The following CBLB variants were observed in gnomAD, a reference collection of about 807,000 sequenced individuals.
CBLB encodes E3 ubiquitin-protein ligase CBL-B.
In CBLB, 31 loss-of-function variants were observed where a neutral mutation model predicts 104.9. That is an observed-to-expected ratio of 0.30 (90% CI 0.22 to 0.40). CBLB has a LOEUF of 0.40. Ranked by LOEUF, CBLB falls within the 10% of genes least tolerant of loss-of-function variation. The pLI is 1.00. For missense variants in CBLB, 1,062 were observed against 1,214.6 expected (o/e 0.87, Z 1.87); for synonymous variants, 440 against 422.6 (o/e 1.04, Z -0.51).
intron 16 of CBLB, 79 bp from the exon 17 acceptor site, chr3:105,678,650 G>T (rs762856826): frequency 5.6e-6 from 8 of 1,430,846 alleles, no homozygotes; most frequent in Non-Finnish European, 7.7e-6. Flanking sequence ...AGTAATAATT[G>T]ATTTTCTCTT....
chr3:105,807,181 G>A (rs1171303701), intron 3 of CBLB, among the ~76,000 whole-genome samples: 1 of 152,146 alleles, frequency 6.6e-6, no homozygotes, highest in East Asian at 1.9e-4. Context: ...ACATTCAAAT[G>A]TCACCTAAAT....
chr3:105,851,425 G>T (rs979520936), intron 3 of CBLB, among the ~76,000 whole-genome samples: 1 of 152,138 alleles, frequency 6.6e-6, no homozygotes, highest in Non-Finnish European at 1.5e-5. Context: ...TTAGGGCAGT[G>T]AAACAATTCT....
chr3:105,814,725 A>G (rs1266359319), intron 3 of CBLB, among the ~76,000 whole-genome samples: 3 of 151,996 alleles, frequency 2.0e-5, no homozygotes, highest in Non-Finnish European at 2.9e-5. Flanking sequence ...CTCATTACCA[A>G]TTTCATGATG....
At chr3:105,753,030 C>A (rs2076730806) in intron 4 of CBLB, among the ~76,000 whole-genome samples, 1 of 152,030 alleles carries the variant, frequency 6.6e-6, no homozygotes, top group South Asian at 2.1e-4. Context: ...AGAAGTAAAA[C>A]CTGTAATGCT....
intron 3 of CBLB, among the ~76,000 whole-genome samples, chr3:105,831,995 AAGT>A (rs1256597482): frequency 6.6e-6 from 1 of 152,228 alleles, no homozygotes; most frequent in Non-Finnish European, 1.5e-5. Context: ...ATGCTAGTCA[AAGT>A]AGTTTCAGGT....
At chr3:105,797,392 C>G (rs1264795315) in intron 3 of CBLB, among the ~76,000 whole-genome samples, 2 of 152,040 alleles carry the variant, frequency 1.3e-5, no homozygotes, top group Non-Finnish European at 2.9e-5. Flanking sequence ...TAGTTCTCTC[C>G]AAGAACACAT....
In CBLB at chr3:105,681,590, A is replaced by T. The variant is rs778784672; in HGVS notation, c.2317T>A (p.Ser773Thr). The change falls in exon 16 of 19, where the codon TCT (serine) becomes ACT (threonine). Residue 773 changes from serine to threonine, a missense_variant. Physicochemically the swap from Ser to Thr is moderately conservative, Grantham distance 58. Coordinates refer to ENST00000394030, the MANE Select transcript of CBLB (RefSeq NM_170662.5). ...GCAGGTGGTAATGGCACGGGATCAG[A>T]GGCTGAATCAAAAACATCTCCTAGA... ...YLKGDVFDSA[S>T]DPVPLPPARP... 1 of 1,614,170 alleles carries T rather than the reference A, an allele frequency of 6.2e-7. No individual in the cohort carries two copies. The highest frequency in any genetic ancestry group is 1.1e-5 in the South Asian group (1 of 91,086).
intron 17 of CBLB, chr3:105,671,347 A>G (rs1340648620): frequency 4.7e-6 from 1 of 214,468 alleles, no homozygotes; most frequent in Non-Finnish European, 9.4e-6. Flanking sequence ...AATTCTTCTG[A>G]GGACAGGGAT....
intron 17 of CBLB, among the ~76,000 whole-genome samples, chr3:105,674,729 T>C (rs2065418102): frequency 1.3e-5 from 2 of 152,152 alleles, no homozygotes; most frequent in Non-Finnish European, 2.9e-5. Flanking sequence ...AGCCTTGGGA[T>C]TGGAGACAAA....
At chr3:105,669,224 T>C (rs989201965) in intron 18 of CBLB, among the ~76,000 whole-genome samples, 4 of 152,094 alleles carry the variant, frequency 2.6e-5, no homozygotes, top group Non-Finnish European at 5.9e-5. Context: ...TAAAACCTAA[T>C]CCCTTTTGTA....
Position 105,786,483 on chromosome 3 carries a change from A to G in CBLB, c.420-9941T>C, listed in dbSNP as rs570909529. On this transcript the variant is annotated intron_variant, in intron 3 of 18. Coordinates refer to ENST00000394030, the MANE Select transcript of CBLB (RefSeq NM_170662.5). ...CAAACGGAGAAGGCATCTCTGGGGC[A>G]CTCAAGCCAAACCACTTGCATGACC... is the stretch of plus-strand genomic sequence containing the variant. Among the ~76,000 whole-genome samples the G allele has an allele frequency of 9.5e-4, 144 of 152,266 alleles. 1 individual carries two copies. The highest frequency in any genetic ancestry group is 3.4e-3 in the African/African-American group (143 of 41,550).
rs58640968 is a variant in CBLB at position 105,780,660 on chromosome 3, GT to G, written c.420-4119del. 9.4e-3 allele frequency among the ~76,000 whole-genome samples: 888 copies of G among 93,998 alleles called. 3 individuals carry two copies. The highest frequency in any genetic ancestry group is 0.036 in the African/African-American group (836 of 23,010). 61.7% of individuals were successfully genotyped at this position (93,998 alleles called of 152,430 possible). ...TTTTACAATAAAAGTTTTGTTTTTTGTTTTTTTTTTTTTTTTTTTTGAGATG... is the reference window on the plus strand; with the variant it reads ...TTTTACAATAAAAGTTTTGTTTTTTGTTTTTTTTTTTTTTTTTTTGAGATG... On this transcript the variant is annotated intron_variant, in intron 3 of 18. Transcript: ENST00000394030.
At chr3:105,726,097 C>T (rs140802594) in intron 9 of CBLB, among the ~76,000 whole-genome samples, 2 of 152,294 alleles carry the variant, frequency 1.3e-5, no homozygotes, top group East Asian at 3.9e-4. Context: ...GATCCACCCA[C>T]CTCGGCTTCT....
At chr3:105,687,624 G>A (rs13315174) in intron 13 of CBLB, among the ~76,000 whole-genome samples, 32,550 of 151,692 alleles carry the variant, frequency 0.21, 3,604 homozygotes, top group Admixed American at 0.25. Context: ...ATACTTAGGT[G>A]TTCCATTTAT....
At chr3:105,807,956 A>G (rs2083738763) in intron 3 of CBLB, among the ~76,000 whole-genome samples, 1 of 152,226 alleles carries the variant, frequency 6.6e-6, no homozygotes, top group Non-Finnish European at 1.5e-5. Flanking sequence ...TCATTACACT[A>G]TCATTGTGTA....
chr3:105,806,495 A>AAAC (rs57407166), intron 3 of CBLB, among the ~76,000 whole-genome samples: 2 of 151,304 alleles, frequency 1.3e-5, no homozygotes, highest in African/African-American at 2.4e-5. Flanking sequence ...AAAAAAAAAA[A>AAAC]CAGAAATTGT....
At position 105,714,697 on chromosome 3, in the gene CBLB, G is replaced by A. The variant is rs149284161; in HGVS notation, c.1407+5350C>T. ...GTTGCTCACCTCCTGCTGCACAGCC[G>A]ATTCCTAACAGATCACAGACTGGTA... On this transcript the variant is annotated intron_variant, in intron 10 of 18. Transcript: ENST00000394030. 2.3e-3 allele frequency among the ~76,000 whole-genome samples: 348 copies of A among 152,280 alleles called. 2 individuals are homozygous for A. Among genetic ancestry groups the A allele is most frequent in the African/African-American group, 8.1e-3 (336 of 41,564 alleles).
chr3:105,847,175 TAG>T (rs1033415983), intron 3 of CBLB, among the ~76,000 whole-genome samples: 1 of 151,970 alleles, frequency 6.6e-6, no homozygotes, highest in African/African-American at 2.4e-5. Flanking sequence ...CCAACACAAG[TAG>T]AAACAGCAAG....
chr3:105,696,890 C>A (rs1290298524), intron 12 of CBLB, among the ~76,000 whole-genome samples: 1 of 151,904 alleles, frequency 6.6e-6, no homozygotes, highest in Non-Finnish European at 1.5e-5. Flanking sequence ...TATACATATT[C>A]TCCCACCTCC....
Sources: gnomAD v4.1 joint callset for allele counts (sites outside exome capture counted in the v4.1 genomes callset) on GRCh38, gnomAD v4.1.1 for gene constraint, MANE v1.5 for transcripts, NCBI Gene and HGNC (gene_info 2026-07-23, HGNC 2026-07-21) for gene names.